PCDH7: variants seen among roughly 807,000 people sequenced by gnomAD.
PCDH7 encodes protocadherin 7.
In PCDH7, 17 loss-of-function variants were observed where a neutral mutation model predicts 58.9. The ratio of observed to expected loss-of-function variants is 0.29; its 90% CI spans 0.20 to 0.43. The LOEUF (loss-of-function observed/expected upper bound fraction) is 0.43, where lower values mean the gene tolerates loss of function less well. Among genes scored for constraint, PCDH7 ranks in the 20% least tolerant of loss-of-function variants. PCDH7 has a pLI of 1.00. For missense variants in PCDH7, 1,274 were observed against 1,441.0 expected (o/e 0.88, Z 1.88); for synonymous variants, 664 against 616.4 (o/e 1.08, Z -1.14).
intron 1 of PCDH7, among the ~76,000 whole-genome samples, chr4:30,761,731 C>G (rs934920051): frequency 7.2e-5 from 11 of 152,128 alleles, no homozygotes; most frequent in African/African-American, 2.7e-4. Flanking sequence ...ACTTGACTGT[C>G]TAAATAAGAA....
At chr4:30,903,848 T>C (rs529937432) in intron 1 of PCDH7, among the ~76,000 whole-genome samples, 2 of 152,294 alleles carry the variant, frequency 1.3e-5, no homozygotes, top group Admixed American at 6.5e-5. Context: ...TTTTTGTTTT[T>C]GGTGTTTTTT....
At chr4:31,026,040 G>C (rs184358646) in intron 3 of PCDH7, among the ~76,000 whole-genome samples, 46 of 152,148 alleles carry the variant, frequency 3.0e-4, no homozygotes, top group African/African-American at 1.1e-3. Context: ...AATTTACCAC[G>C]CACTGTTATA....
chr4:30,908,021 T>A (rs1199271352), intron 1 of PCDH7, among the ~76,000 whole-genome samples: 1 of 152,112 alleles, frequency 6.6e-6, no homozygotes, highest in African/African-American at 2.4e-5. Flanking sequence ...TCACTGCATG[T>A]TCTCACTTGT....
At chr4:30,773,674 T>A (rs1202364653) in intron 1 of PCDH7, among the ~76,000 whole-genome samples, 1 of 152,120 alleles carries the variant, frequency 6.6e-6, no homozygotes, top group African/African-American at 2.4e-5. Flanking sequence ...AATATTTTAT[T>A]TTCATTACCA....
chr4:31,051,164 A>C (rs1394233305), intron 3 of PCDH7, among the ~76,000 whole-genome samples: 1 of 152,090 alleles, frequency 6.6e-6, no homozygotes, highest in Non-Finnish European at 1.5e-5. Context: ...TGAATCCCCA[A>C]GCAAACATGC....
At chr4:31,010,688 C>T (rs4596205) in intron 3 of PCDH7, among the ~76,000 whole-genome samples, 80,031 of 151,658 alleles carry the variant, frequency 0.53, 25,212 homozygotes, top group African/African-American at 0.87. Flanking sequence ...TAATAACTTG[C>T]CTAATTTTCA....
chr4:31,022,337 A>G (rs1245957272), intron 3 of PCDH7, among the ~76,000 whole-genome samples: 1 of 152,208 alleles, frequency 6.6e-6, no homozygotes, highest in Admixed American at 6.5e-5. Context: ...ACGGTAGAGT[A>G]AGTAATGACT....
intron 3 of PCDH7, among the ~76,000 whole-genome samples, chr4:30,970,446 CA>C (rs1560543211): frequency 6.6e-6 from 1 of 150,888 alleles, no homozygotes; most frequent in Admixed American, 6.6e-5. Context: ...AGGCACCCAC[CA>C]CCACGCCTGG....
intron 1 of PCDH7, among the ~76,000 whole-genome samples, chr4:30,809,899 G>GGCTTTTGGAC (rs1726757804): frequency 6.6e-6 from 1 of 152,150 alleles, no homozygotes; most frequent in Non-Finnish European, 1.5e-5. Context: ...ATGATGCCAT[G>GGCTTTTGGAC]TCACTCTTAC....
chr4:31,037,243 T>G (rs1012909963), intron 3 of PCDH7, among the ~76,000 whole-genome samples: 1 of 152,200 alleles, frequency 6.6e-6, no homozygotes, highest in Admixed American at 6.5e-5. Flanking sequence ...TTGCCTGATC[T>G]CCCTGAAATT....
intron 3 of PCDH7, among the ~76,000 whole-genome samples, chr4:31,081,603 A>T (rs1402935836): frequency 6.6e-6 from 1 of 152,066 alleles, no homozygotes; most frequent in Non-Finnish European, 1.5e-5. Context: ...GTTCCTTTAC[A>T]TGAGTTTTGG....
At chr4:31,022,268 G>T (rs997416024) in intron 3 of PCDH7, among the ~76,000 whole-genome samples, 1 of 152,114 alleles carries the variant, frequency 6.6e-6, no homozygotes, top group South Asian at 2.1e-4. Flanking sequence ...TACTGATAAA[G>T]GTATTCTTAG....
chr4:30,847,560 TA>T (rs1732150011), intron 1 of PCDH7, among the ~76,000 whole-genome samples: 1 of 152,178 alleles, frequency 6.6e-6, no homozygotes, highest in Non-Finnish European at 1.5e-5. Context: ...GTTAAATTAT[TA>T]CTTCTTCAGC....
At chr4:30,862,832 C>T (rs937075994) in intron 1 of PCDH7, among the ~76,000 whole-genome samples, 1 of 150,058 alleles carries the variant, frequency 6.7e-6, no homozygotes, top group Non-Finnish European at 1.5e-5. Context: ...GTCTGCAGCA[C>T]TACATTATTA....
chr4:30,756,704 C>T (rs1241697000), intron 1 of PCDH7, among the ~76,000 whole-genome samples: 2 of 152,298 alleles, frequency 1.3e-5, no homozygotes, highest in Admixed American at 6.5e-5. Flanking sequence ...TCATTCTCTT[C>T]CTGTCTTTTG....
rs188609165 is a variant in PCDH7 at position 30,937,967 on chromosome 4, G to A, written c.288-12153G>A. Reference sequence around the variant, plus strand: ...ATTAAGCAACTTTCAGCCCTCATCTGCCAATTCTGCTCCTTTGTAATTATC... The same window carrying A: ...ATTAAGCAACTTTCAGCCCTCATCTACCAATTCTGCTCCTTTGTAATTATC... On this transcript the variant is annotated intron_variant, in intron 2 of 3. Coordinates refer to the PCDH7 transcript ENST00000509759. Among the ~76,000 whole-genome samples, 105 of 151,228 alleles carry A rather than the reference G, an allele frequency of 6.9e-4. 2 individuals carry two copies. The highest frequency in any genetic ancestry group is 6.8e-3 in the Middle Eastern group (2 of 294).
At chr4:30,730,744 T>G (rs754308856) in intron 1 of PCDH7, 1 of 1,582,660 alleles carries the variant, frequency 6.3e-7, no homozygotes, top group Non-Finnish European at 8.6e-7. Flanking sequence ...TTTATTTTCC[T>G]TCTTTCAGAT....
intron 3 of PCDH7, among the ~76,000 whole-genome samples, chr4:31,095,623 C>A (rs1713865974): frequency 1.3e-5 from 2 of 152,016 alleles, no homozygotes; most frequent in Non-Finnish European, 2.9e-5. Flanking sequence ...GACTCCTCTC[C>A]TGGTGAATAA....
intron 3 of PCDH7, among the ~76,000 whole-genome samples, chr4:31,133,687 T>A (rs970497135): frequency 4.6e-5 from 7 of 152,182 alleles, no homozygotes; most frequent in African/African-American, 1.4e-4. Context: ...AATTGATCGC[T>A]CCTAAGCAGT....
Sources: gnomAD v4.1 joint callset for allele counts (sites outside exome capture counted in the v4.1 genomes callset) on GRCh38, gnomAD v4.1.1 for gene constraint, MANE v1.5 for transcripts, NCBI Gene and HGNC (gene_info 2026-07-23, HGNC 2026-07-21) for gene names.